DNAH14: variants seen among roughly 807,000 people sequenced by gnomAD.
The protein encoded by DNAH14 is axonemal beta dynein heavy chain 14.
Under a neutral mutation model 520.9 loss-of-function variants are expected in DNAH14, and 478 were observed. The ratio of observed to expected loss-of-function variants is 0.92; its 90% CI spans 0.85 to 0.99. DNAH14 has a LOEUF of 0.99. Among genes scored for constraint, DNAH14 ranks in the 50% least tolerant of loss-of-function variants. The probability of loss-of-function intolerance (pLI) is 0.00; values close to 1 mark genes in which losing one functional copy is unlikely to be tolerated. For synonymous variants in DNAH14, 1,581 were observed against 1,757.2 expected (o/e 0.90, Z 2.51); for missense variants, 4,831 against 5,234.5 (o/e 0.92, Z 2.38).
chr1:225,252,465 A>G (rs1231206829), intron 44 of DNAH14, 48 bp downstream of exon 44: 1 of 1,042,734 alleles, frequency 9.6e-7, no homozygotes, highest in South Asian at 1.5e-5. Flanking sequence ...AATATTGGGT[A>G]TACTCTATTC....
At chr1:225,200,152 C>G (rs574497965) in intron 38 of DNAH14, among the ~76,000 whole-genome samples, 1 of 152,256 alleles carries the variant, frequency 6.6e-6, no homozygotes, top group Non-Finnish European at 1.5e-5. Context: ...AATAGCTACT[C>G]CTGCTCATTT....
At chr1:225,222,372 G>A (rs184468468) in intron 41 of DNAH14, among the ~76,000 whole-genome samples, 12 of 152,150 alleles carry the variant, frequency 7.9e-5, no homozygotes, top group East Asian at 1.9e-4. Context: ...TCATGGTCTC[G>A]CTGACTTCAA....
chr1:225,392,573 C>A, intron 84 of DNAH14, 122 bp downstream of exon 84: 1 of 1,211,012 alleles, frequency 8.3e-7, no homozygotes, highest in Non-Finnish European at 1.1e-6. Flanking sequence ...ACTAGACAGG[C>A]AGATCAACAA....
intron 44 of DNAH14, among the ~76,000 whole-genome samples, chr1:225,256,630 A>G (rs1310320470): frequency 2.0e-5 from 3 of 152,162 alleles, no homozygotes; most frequent in Non-Finnish European, 4.4e-5. Flanking sequence ...AATTCTTCCT[A>G]AATTAATCCA....
chr1:225,279,391 A>G (rs1251467929), intron 54 of DNAH14, among the ~76,000 whole-genome samples: 2 of 152,182 alleles, frequency 1.3e-5, no homozygotes, highest in Non-Finnish European at 2.9e-5. Flanking sequence ...ATTTTGCATA[A>G]CAGTAATTTA....
At chr1:225,280,092 G>C (rs1310766702) in intron 54 of DNAH14, among the ~76,000 whole-genome samples, 1 of 151,418 alleles carries the variant, frequency 6.6e-6, no homozygotes, top group African/African-American at 2.4e-5. Flanking sequence ...TGGCAGAAAA[G>C]AGAATCCACA....
chr1:225,060,546 G>A (rs958218277), intron 17 of DNAH14, among the ~76,000 whole-genome samples: 1 of 152,094 alleles, frequency 6.6e-6, no homozygotes, highest in Non-Finnish European at 1.5e-5. Flanking sequence ...GCTTTGTTCG[G>A]TTGCTGGTGA....
At chr1:225,277,006 G>A (rs1159366698) in intron 53 of DNAH14, among the ~76,000 whole-genome samples, 1 of 96,334 alleles carries the variant, frequency 1.0e-5, no homozygotes, top group Non-Finnish European at 2.1e-5. Flanking sequence ...AGGAAGGGAG[G>A]GAGGGAGGGA....
chr1:225,167,848 T>G, intron 35 of DNAH14, 91 bp from the exon 36 acceptor site: 1 of 652,356 alleles, frequency 1.5e-6, no homozygotes, highest in Non-Finnish European at 2.5e-6. Context: ...AGAGCGGTAA[T>G]TGGTACCTAG....
rs369109130 is a variant in DNAH14, at chr1:225,116,945, C to T, written c.3868-739C>T. 7.5e-4 allele frequency among the ~76,000 whole-genome samples: 114 copies of T among 152,142 alleles called. 2 individuals carry two copies. In the South Asian group the frequency reaches 0.022, roughly 29 times the overall value. ...CTTCACAAGTTCTTTTCAAGAACTT[C>T]GTGGAGAGAAGACAAGCAAGTAGAC... On this transcript the variant is annotated intron_variant, in intron 23 of 85. Transcript: ENST00000682510.
At position 225,271,905 on chromosome 1, in the gene DNAH14, G is replaced by A; in HGVS notation, c.7672-1G>A. The stretch of plus-strand genomic sequence containing the variant: ...CTAAATTATAACATTTCTTTTTAAA[G>A]GCTCATTTGGGAATTTATTTCTCCA... On this transcript the variant is annotated splice_acceptor_variant, in intron 50 of 85. Transcript: ENST00000682510. LOFTEE classifies it high-confidence loss of function. The A allele has an allele frequency of 6.5e-7, 1 of 1,537,836 alleles. No individual in the cohort carries two copies. The highest frequency in any genetic ancestry group is 8.7e-7 in the Non-Finnish European group (1 of 1,143,426).
intron 31 of DNAH14, among the ~76,000 whole-genome samples, chr1:225,150,036 T>C (rs2080332555): frequency 6.6e-6 from 1 of 152,214 alleles, no homozygotes. Context: ...TGGCTGTGAG[T>C]TTGTCATAAA....
intron 17 of DNAH14, among the ~76,000 whole-genome samples, chr1:225,052,951 C>A (rs2068686287): frequency 6.6e-6 from 1 of 152,172 alleles, no homozygotes; most frequent in Admixed American, 6.5e-5. Flanking sequence ...ACTCTGCCTT[C>A]CCTGGAGCAT....
chr1:225,392,391 G>T lies in DNAH14; in HGVS notation c.13431G>T (p.Lys4477Asn). ...ATGTGATTTCCAACACCACTGACAA[G>T]GATGAGAAGTTCTCCGTATTTATGC... is the stretch of plus-strand genomic sequence containing the variant. ...THHVISNTTDKDEKFSVFMPK... is the reference protein window; with the variant it reads ...THHVISNTTDNDEKFSVFMPK... The change falls in exon 84 of 86, where the codon AAG becomes AAT. Residue 4477 changes from lysine to asparagine, a missense_variant. Transcript: ENST00000682510. 1 of 1,552,124 alleles carries T rather than the reference G, an allele frequency of 6.4e-7. No individual in the cohort carries two copies. Among genetic ancestry groups the T allele is most frequent in the Non-Finnish European group, 8.7e-7 (1 of 1,147,094 alleles).
intron 8 of DNAH14, among the ~76,000 whole-genome samples, chr1:224,987,222 C>G (rs1037536467): frequency 6.6e-6 from 1 of 152,074 alleles, no homozygotes; most frequent in Admixed American, 6.6e-5. Flanking sequence ...AGTTCCCCTT[C>G]TAGTCTGAGT....
intron 38 of DNAH14, among the ~76,000 whole-genome samples, chr1:225,193,277 T>C (rs541719157): frequency 7.2e-4 from 110 of 152,252 alleles, no homozygotes; most frequent in African/African-American, 2.6e-3. Flanking sequence ...TGATACAAAA[T>C]TCATCACAGA....
chr1:225,015,294 A>C (rs1009027858), intron 10 of DNAH14, among the ~76,000 whole-genome samples: 1 of 152,184 alleles, frequency 6.6e-6, no homozygotes, highest in Non-Finnish European at 1.5e-5. Context: ...TTTACTTTCA[A>C]GGTTATTCTT....
intron 79 of DNAH14, among the ~76,000 whole-genome samples, chr1:225,378,804 C>A (rs776118067): frequency 1.3e-5 from 2 of 148,348 alleles, no homozygotes; most frequent in Non-Finnish European, 3.0e-5. Context: ...TGCTTGAACC[C>A]GGGAGGGGGA....
At chr1:224,994,464 C>G (rs2063262251) in intron 8 of DNAH14, among the ~76,000 whole-genome samples, 1 of 151,864 alleles carries the variant, frequency 6.6e-6, no homozygotes, top group African/African-American at 2.4e-5. Flanking sequence ...GACTTAAAGT[C>G]TATTTTATCT....
Sources: allele counts gnomAD v4.1 joint callset (sites outside exome capture counted in the v4.1 genomes callset), GRCh38; gene constraint gnomAD v4.1.1; transcripts MANE v1.5; gene names NCBI Gene and HGNC (gene_info 2026-07-23, HGNC 2026-07-21).